Variants in DNAJC11 observed in about 807,000 individuals in gnomAD.
DNAJC11 encodes the protein DnaJ heat shock protein family (Hsp40) member C11.
In DNAJC11, 15 loss-of-function variants were observed where a neutral mutation model predicts 78.6. The ratio of observed to expected loss-of-function variants is 0.19; its 90% CI spans 0.13 to 0.29. The LOEUF is 0.29. Among genes scored for constraint, DNAJC11 ranks in the 10% least tolerant of loss-of-function variants. The pLI is 1.00. For synonymous variants in DNAJC11, 292 were observed against 272.1 expected (o/e 1.07, Z -0.72); for missense variants, 547 against 709.6 (o/e 0.77, Z 2.60).
chr1:6,639,365 T>C (rs1641838951), intron 11 of DNAJC11, among the ~76,000 whole-genome samples: 2 of 151,030 alleles, frequency 1.3e-5, no homozygotes, highest in Non-Finnish European at 1.5e-5. Context: ...AGTCTTGCTC[T>C]GTCACCCAGG....
At position 6,666,131 on chromosome 1, in the gene DNAJC11, T is replaced by TC. The variant is rs547440084; in HGVS notation, c.378+1577dup. On this transcript the variant is annotated intron_variant, in intron 4 of 15. Coordinates refer to ENST00000377577, the MANE Select transcript of DNAJC11 (RefSeq NM_018198.4). The stretch of plus-strand genomic sequence containing the variant: ...TACCATTTTCAAATATACACTTTTT[T>TC]CCCAAGAGAATTAAATCATTTATTG... Among the ~76,000 whole-genome samples the TC allele has an allele frequency of 2.6e-3, 397 of 152,308 alleles. 2 individuals are homozygous for TC. The highest frequency in any genetic ancestry group is 9.1e-3 in the African/African-American group (377 of 41,562).
chr1:6,697,234 A>G (rs1642851529), intron 1 of DNAJC11, among the ~76,000 whole-genome samples: 2 of 152,176 alleles, frequency 1.3e-5, no homozygotes, highest in East Asian at 3.8e-4. Context: ...ATCTAGAAGG[A>G]GAATCATTAA....
At chr1:6,656,445 T>G (rs1642127840) in intron 4 of DNAJC11, among the ~76,000 whole-genome samples, 1 of 152,048 alleles carries the variant, frequency 6.6e-6, no homozygotes, top group Admixed American at 6.6e-5. Context: ...AGAAAACTGT[T>G]GTGAATAAAG....
chr1:6,640,998 A>G (rs1170522985), intron 10 of DNAJC11, among the ~76,000 whole-genome samples: 1 of 152,178 alleles, frequency 6.6e-6, no homozygotes, highest in African/African-American at 2.4e-5. Flanking sequence ...CCAGAAAAAG[A>G]AAACATGCTG....
chr1:6,678,550 G>A, intron 2 of DNAJC11, 83 bp from the exon 3 acceptor site: 1 of 1,099,708 alleles, frequency 9.1e-7, no homozygotes, highest in Non-Finnish European at 1.3e-6. Context: ...CATTAGGTAA[G>A]CCCATCTCCT....
intron 6 of DNAJC11, 128 bp downstream of exon 6, chr1:6,652,701 A>G (rs1401985492): frequency 7.9e-7 from 1 of 1,273,682 alleles, no homozygotes; most frequent in Non-Finnish European, 1.1e-6. Context: ...TGGAAGCTTG[A>G]CACTTGGTAC....
intron 1 of DNAJC11, among the ~76,000 whole-genome samples, chr1:6,683,509 C>T (rs1642587496): frequency 6.6e-6 from 1 of 152,232 alleles, no homozygotes; most frequent in South Asian, 2.1e-4. Context: ...TCTGTTTCAT[C>T]ACCTGCAAAC....
At chr1:6,687,570 G>C (rs1642677066) in intron 1 of DNAJC11, among the ~76,000 whole-genome samples, 1 of 151,918 alleles carries the variant, frequency 6.6e-6, no homozygotes, top group African/African-American at 2.4e-5. Flanking sequence ...TGTTAGCCAG[G>C]ATGGTCTCAA....
intron 3 of DNAJC11, among the ~76,000 whole-genome samples, chr1:6,677,831 G>A (rs1642494343): frequency 6.6e-6 from 1 of 152,150 alleles, no homozygotes; most frequent in African/African-American, 2.4e-5. Context: ...TATATATTTT[G>A]TTTCACTCAT....
At chr1:6,639,447 A>C (rs576703007) in intron 11 of DNAJC11, among the ~76,000 whole-genome samples, 6 of 151,342 alleles carry the variant, frequency 4.0e-5, no homozygotes, top group Admixed American at 2.7e-4. Context: ...CTCCTGTCTC[A>C]GCCTCCCAGG....
intron 1 of DNAJC11, among the ~76,000 whole-genome samples, chr1:6,695,807 C>CAA (rs113743903): frequency 2.5e-5 from 3 of 119,622 alleles, no homozygotes; most frequent in African/African-American, 6.2e-5. Flanking sequence ...GACTCCATCT[C>CAA]AAAAAAAAAA....
At position 6,636,249 on chromosome 1, in the gene DNAJC11, G is replaced by C; in HGVS notation, c.1525-3C>G. ...TCATAAAAGCCAGGCAGCCCAGCCTGTAACAAACAAATTGCTACTCTCAAT... is the reference window on the plus strand; with the variant it reads ...TCATAAAAGCCAGGCAGCCCAGCCTCTAACAAACAAATTGCTACTCTCAAT... On this transcript the variant is annotated splice_polypyrimidine_tract_variant and splice_region_variant and intron_variant, in intron 14 of 15. Transcript: ENST00000377577. The C allele has an allele frequency of 6.2e-7, 1 of 1,613,844 alleles. No individual in the cohort carries two copies. Among genetic ancestry groups the C allele is most frequent in the Non-Finnish European group, 8.5e-7 (1 of 1,179,918 alleles).
rs748875908 is a variant in DNAJC11, at chr1:6,634,614, C to T, written c.*1061G>A. ...TCCAGGCCCCGAGAGACAGGCCTCA[C>T]GTAACTTTACTGCAGCCGAGGTCCA... On this transcript the variant is annotated 3_prime_UTR_variant, in exon 16 of 16. Transcript: ENST00000377577. 2.9e-5 allele frequency: 40 copies of T among 1,366,234 alleles called. No homozygotes were observed. The highest frequency in any genetic ancestry group is 4.5e-5 in the East Asian group (1 of 21,994). 84.6% of individuals were successfully genotyped at this position (1,366,234 alleles called of 1,614,324 possible). A position where few individuals can be genotyped will look rare whatever the true frequency, so the allele number is the denominator to read the frequency against.
chr1:6,680,933 A>G lies in DNAJC11; in HGVS notation c.177T>C (p.Phe59=), dbSNP rs372966628. 1.1e-5 allele frequency: 18 copies of G among 1,614,058 alleles called. No homozygotes were observed. Among genetic ancestry groups the G allele is most frequent in the East Asian group, 2.2e-5 (1 of 44,876 alleles). The change falls in exon 2 of 16, where the codon TTT becomes TTC. Residue 59 remains phenylalanine (F), a synonymous_variant. Transcript: ENST00000377577. This position sits in a 1 kb window ranked among gnomAD's most constrained non-coding sequence, Gnocchi z 4.0. ...CTTCATAAGCCTGGTGAACAAGGTT[A>G]AACAGTCGTTCCGCCTGTGACTTGA... is the stretch of plus-strand genomic sequence containing the variant. ...PELKSQAERL[F]NLVHQAYEVL... is the part of the protein sequence containing the mutation.
chr1:6,638,447 G>C, intron 11 of DNAJC11, 83 bp from the exon 12 acceptor site: 1 of 1,350,012 alleles, frequency 7.4e-7, no homozygotes, highest in Admixed American at 2.0e-5. Flanking sequence ...TGCTGGACCC[G>C]AGCCCAGCAA....
intron 10 of DNAJC11, among the ~76,000 whole-genome samples, chr1:6,643,307 G>A (rs569067740): frequency 7.2e-4 from 104 of 145,400 alleles, no homozygotes; most frequent in African/African-American, 1.3e-3. Context: ...GTGGAGTCTC[G>A]CTCTGATGCC....
intron 1 of DNAJC11, among the ~76,000 whole-genome samples, chr1:6,689,595 T>C (rs1642711439): frequency 6.6e-6 from 1 of 151,950 alleles, no homozygotes; most frequent in Non-Finnish European, 1.5e-5. Context: ...CCAGACCAGC[T>C]TGACCAACAT....
chr1:6,682,668 G>A (rs1205995141), intron 1 of DNAJC11, among the ~76,000 whole-genome samples: 2 of 152,194 alleles, frequency 1.3e-5, no homozygotes, highest in Non-Finnish European at 1.5e-5. Flanking sequence ...TGGTTGACAC[G>A]TGTAGACCTA....
intron 4 of DNAJC11, among the ~76,000 whole-genome samples, chr1:6,661,067 G>T (rs534216352): frequency 6.6e-6 from 1 of 152,362 alleles, no homozygotes; most frequent in Admixed American, 6.5e-5. Flanking sequence ...GGTGTACAGT[G>T]TGCTGATTTG....
Sources: gnomAD v4.1 joint callset for allele counts (sites outside exome capture counted in the v4.1 genomes callset) on GRCh38, gnomAD v4.1.1 for gene constraint, Gnocchi (gnomAD v3.1) non-coding constraint, MANE v1.5 for transcripts, NCBI Gene and HGNC (gene_info 2026-07-23, HGNC 2026-07-21) for gene names.